The following REPIN1 variants were observed in gnomAD, a reference collection of about 807,000 sequenced individuals.
The protein encoded by REPIN1 is DNA-binding protein REPIN1.
In REPIN1, 4 loss-of-function variants were observed where a neutral mutation model predicts 5.7. The observed-to-expected ratio is 0.71, with a 90% CI of 0.35 to 1.62. The LOEUF is 1.62. Ranked by LOEUF, REPIN1 falls within the 40% of genes most tolerant of loss-of-function variation. The probability of loss-of-function intolerance (pLI) is 0.05; values close to 1 mark genes in which losing one functional copy is unlikely to be tolerated. For synonymous variants in REPIN1, 410 were observed against 386.2 expected (o/e 1.06, Z -0.72); for missense variants, 854 against 901.0 (o/e 0.95, Z 0.67).
rs780101097 is a variant in REPIN1, at chr7:150,373,086, C to G, written c.*141C>G. On this transcript the variant is annotated 3_prime_UTR_variant, in exon 3 of 3. Coordinates refer to ENST00000489432, the MANE Select transcript of REPIN1 (RefSeq NM_001099695.2). ...GGGGATGGAAGACGCGGGGAGTGAGCTGGGTGGGCCCTGCTAGCGAGAGAG... is the reference window on the plus strand; with the variant it reads ...GGGGATGGAAGACGCGGGGAGTGAGGTGGGTGGGCCCTGCTAGCGAGAGAG... 9.7e-6 allele frequency: 12 copies of G among 1,242,392 alleles called. No individual in the cohort carries two copies. The highest frequency in any genetic ancestry group is 1.5e-5 in the African/African-American group (1 of 64,618). The allele number at this position is 1,242,392 out of a possible 1,614,324, so 77.0% of individuals were successfully genotyped here.
chr7:150,372,296 CCCAGGAGCCGCCG>C lies in REPIN1; in HGVS notation c.1232_1244del (p.Glu411GlyfsTer257), dbSNP rs1221380805. The stretch of plus-strand genomic sequence containing the variant: ...ACCCCGGCGGTACCTCTGAAACCGG[CCCAGGAGCCGCCG>C]CCAGGGGCCCCGCCAGAGCACCCGC... On this transcript the variant is annotated frameshift_variant, in exon 3 of 3. Coordinates refer to ENST00000489432, the MANE Select transcript of REPIN1 (RefSeq NM_001099695.2). LOFTEE classifies it low-confidence loss of function (END_TRUNC). 6 of 1,522,106 alleles carry C rather than the reference CCCAGGAGCCGCCG, an allele frequency of 3.9e-6. No individual in the cohort carries two copies. The highest frequency in any genetic ancestry group is 2.1e-5 in the Admixed American group (1 of 47,942). 94.3% of individuals were successfully genotyped at this position (1,522,106 alleles called of 1,614,324 possible). A position where few individuals can be genotyped will look rare whatever the true frequency, so the allele number is the denominator to read the frequency against.
Position 150,373,129 on chromosome 7 carries a change from G to A in REPIN1, c.*184G>A, listed in dbSNP as rs1008943576. The A allele has an allele frequency of 5.8e-6, 5 of 867,672 alleles. No homozygotes were observed. Among genetic ancestry groups the A allele is most frequent in the Non-Finnish European group, 8.8e-6 (5 of 568,918 alleles). The allele number at this position is 867,672 out of a possible 1,614,324, so 53.7% of individuals were successfully genotyped here. On this transcript the variant is annotated 3_prime_UTR_variant, in exon 3 of 3. Coordinates refer to ENST00000489432, the MANE Select transcript of REPIN1 (RefSeq NM_001099695.2). ...CGAGAGAGGTCAACCCCGGTGGCCAGGGAACCCACTTCCAAGCGCAGGGAC... is the reference window on the plus strand; with the variant it reads ...CGAGAGAGGTCAACCCCGGTGGCCAAGGAACCCACTTCCAAGCGCAGGGAC...
Position 150,368,960 on chromosome 7 carries a change from C to T in REPIN1, c.-42+19C>T. 2.7e-6 allele frequency: 1 copy of T among 370,156 alleles called. No individual in the cohort carries two copies. The highest frequency in any genetic ancestry group is 4.8e-6 in the Non-Finnish European group (1 of 209,108). 22.9% of individuals were successfully genotyped at this position (370,156 alleles called of 1,614,324 possible). On this transcript the variant is annotated intron_variant, in intron 1 of 2. Transcript: ENST00000489432. ...CGCAGAGGTACGGCCGGGGCAGGGG[C>T]GCGGGGCCACCGCGGGCCCGCGGGG...
chr7:150,372,052 A>G lies in REPIN1; in HGVS notation c.982A>G (p.Lys328Glu). Residue 328 changes from lysine (K) to glutamate (E), a missense_variant, in exon 3 of 3, where the codon AAG becomes GAG. This residue lies in a region of REPIN1 where 327 missense variants were observed against 307.8 expected (regional missense o/e 1.06). Transcript: ENST00000489432. ...ERPHQCPECG[K>E]RFTNKPYLTS... ...GCCCCACCAGTGCCCCGAGTGCGGG[A>G]AGCGCTTTACCAATAAGCCCTATCT... The G allele has an allele frequency of 6.2e-7, 1 of 1,612,036 alleles. No individual in the cohort carries two copies. Among genetic ancestry groups the G allele is most frequent in the Non-Finnish European group, 8.5e-7 (1 of 1,179,602 alleles).
At position 150,373,300 on chromosome 7, in the gene REPIN1, CTTAA is replaced by C. The variant is rs1485732666; in HGVS notation, c.*357_*360del. The C allele has an allele frequency of 9.5e-6, 3 of 315,314 alleles. No individual in the cohort carries two copies. The highest frequency in any genetic ancestry group is 6.4e-5 in the African/African-American group (3 of 46,828). The allele number at this position is 315,314 out of a possible 1,614,324, so 19.5% of individuals were successfully genotyped here. The stretch of plus-strand genomic sequence containing the variant: ...ACCCTCCATCCTCTGGTATTAACGC[CTTAA>C]TGCCCCTGTCTTTTACTGTAAGTTA... On this transcript the variant is annotated 3_prime_UTR_variant, in exon 3 of 3. Transcript: ENST00000489432.
rs1284083805 is a variant in REPIN1 at position 150,369,655 on chromosome 7, T to C, written c.-41-16T>C. 1 of 1,611,766 alleles carries C rather than the reference T, an allele frequency of 6.2e-7. No individual in the cohort carries two copies. The highest frequency in any genetic ancestry group is 8.5e-7 in the Non-Finnish European group (1 of 1,179,118). On this transcript the variant is annotated splice_polypyrimidine_tract_variant and intron_variant, in intron 1 of 2. Coordinates refer to ENST00000489432, the MANE Select transcript of REPIN1 (RefSeq NM_001099695.2). ...AGCTCAGAGCCTCACTTCTGTTTTCTCTTCCCTCCCCACAGGTAAGGCTGG... is the reference window on the plus strand; with the variant it reads ...AGCTCAGAGCCTCACTTCTGTTTTCCCTTCCCTCCCCACAGGTAAGGCTGG...
rs1800144402 is a variant in REPIN1 at position 150,373,683 on chromosome 7, C to T, written c.*738C>T. The T allele has an allele frequency of 1.2e-5, 2 of 167,236 alleles. No individual in the cohort carries two copies. Among genetic ancestry groups the T allele is most frequent in the Non-Finnish European group, 2.9e-5 (2 of 68,254 alleles). 10.4% of individuals were successfully genotyped at this position (167,236 alleles called of 1,614,324 possible). A position where few individuals can be genotyped will look rare whatever the true frequency, so the allele number is the denominator to read the frequency against. On this transcript the variant is annotated 3_prime_UTR_variant, in exon 3 of 3. Transcript: ENST00000489432. ...CTGTGTCCAGGCTCTTGTCTGAACA[C>T]CGCAGCCCCTCCTTCGCTCCTTCCA...
rs780162986 is a variant in REPIN1 at position 150,369,794 on chromosome 7, G to A, written c.83G>A (p.Ser28Asn). 1.9e-6 allele frequency: 3 copies of A among 1,613,888 alleles called. No individual in the cohort carries two copies. In the South Asian group the frequency reaches 3.3e-5, roughly 18 times the overall value. Reference protein sequence around the residue: ...YRSVGRSRRCSRGSIPRNIPK... With the variant: ...YRSVGRSRRCNRGSIPRNIPK... ...AGTGTGGGCCGAAGCAGGCGCTGCA[G>A]CCGCGGAAGTATCCCCAGGAACATC... Residue 28 changes from serine to asparagine, a missense_variant, in exon 2 of 3, where the codon AGC becomes AAC. Ser to Asn is a conservative substitution (Grantham distance 46, BLOSUM62 1). Around this residue, in one of 5 missense-constraint regions of REPIN1, gnomAD observed 409 missense variants for 418.6 expected, o/e 0.98. Coordinates refer to ENST00000489432, the MANE Select transcript of REPIN1 (RefSeq NM_001099695.2).
At chr7:150,370,482 G>T in intron 2 of REPIN1, 1 of 468,114 alleles carries the variant, frequency 2.1e-6, no homozygotes, top group Non-Finnish European at 3.9e-6. Context: ...CTCTGCTCCT[G>T]TTCCCCGAGA....
At chr7:150,368,597 T>A (rs1482332291), upstream of REPIN1, among the ~76,000 whole-genome samples, 1 of 151,972 alleles carries the variant, frequency 6.6e-6, no homozygotes, top group Admixed American at 6.5e-5. Flanking sequence ...CCCGGGCTGG[T>A]GGTCGCCATG....
chr7:150,370,444 G>A, intron 2 of REPIN1: 2 of 395,416 alleles, frequency 5.1e-6, no homozygotes, highest in Non-Finnish European at 9.5e-6. Context: ...GTGGTCTGGC[G>A]TTAGACTGCC....
Position 150,371,928 on chromosome 7 carries a change from A to G in REPIN1, c.858A>G (p.Gly286=). ...CGGTGACCGCCCCCCGGCCCGGTGG[A>G]GATGCCGTCGACCGCCCCTTCCAGT... The part of the protein sequence containing the change: ...RPAVTAPRPG[G]DAVDRPFQCA... The change falls in exon 3 of 3, where the codon GGA becomes GGG. Residue 286 remains glycine, a synonymous_variant. Coordinates refer to ENST00000489432, the MANE Select transcript of REPIN1 (RefSeq NM_001099695.2). 6.2e-7 allele frequency: 1 copy of G among 1,606,718 alleles called. No homozygotes were observed. Among genetic ancestry groups the G allele is most frequent in the South Asian group, 1.1e-5 (1 of 90,878 alleles).
chr7:150,369,054 G>A, intron 1 of REPIN1, 113 bp downstream of exon 1: 1 of 320,560 alleles, frequency 3.1e-6, no homozygotes, highest in Non-Finnish European at 5.6e-6. Flanking sequence ...GGGGGGGGAC[G>A]CTGCTGGATC....
In REPIN1 at chr7:150,369,690, A is replaced by G. The variant is rs1454552762; in HGVS notation, c.-22A>G. 6.2e-7 allele frequency: 1 copy of G among 1,613,648 alleles called. No individual in the cohort carries two copies. The highest frequency in any genetic ancestry group is 1.3e-5 in the African/African-American group (1 of 74,908). ...CCACAGGTAAGGCTGGCCTCTCTGC[A>G]GTCAGAGGTCTGAGCTCTGCCATGG... On this transcript the variant is annotated 5_prime_UTR_variant, in exon 2 of 3. Coordinates refer to ENST00000489432, the MANE Select transcript of REPIN1 (RefSeq NM_001099695.2).
At chr7:150,369,981 G>T (rs1799405644) in intron 2 of REPIN1, 113 bp downstream of exon 2, 1 of 1,298,004 alleles carries the variant, frequency 7.7e-7, no homozygotes, top group East Asian at 2.4e-5. Context: ...TCTTCCCTGT[G>T]CACAGTCTGA....
In REPIN1 at chr7:150,372,064, A is replaced by C; in HGVS notation, c.994A>C (p.Asn332His). ...QCPECGKRFT[N>H]KPYLTSHRRI... is the part of the protein sequence containing the mutation. Reference sequence around the variant, plus strand: ...CCCCGAGTGCGGGAAGCGCTTTACCAATAAGCCCTATCTGACTTCGCACCG... The same window carrying C: ...CCCCGAGTGCGGGAAGCGCTTTACCCATAAGCCCTATCTGACTTCGCACCG... The change falls in exon 3 of 3, where the codon AAT becomes CAT. Residue 332 changes from asparagine (N) to histidine (H), a missense_variant. Asn to His is a moderately conservative substitution (Grantham distance 68). This residue lies in a region of REPIN1 where 327 missense variants were observed against 307.8 expected (regional missense o/e 1.06). Coordinates refer to ENST00000489432, the MANE Select transcript of REPIN1 (RefSeq NM_001099695.2). The C allele has an allele frequency of 1.2e-6, 2 of 1,612,040 alleles. No homozygotes were observed. The highest frequency in any genetic ancestry group is 1.7e-6 in the Non-Finnish European group (2 of 1,179,570).
rs762668334 is a variant in REPIN1, at chr7:150,371,918, G to T, written c.848G>T (p.Arg283Leu). Reference protein sequence around the residue: ...PRGRPAVTAPRPGGDAVDRPF... With the variant: ...PRGRPAVTAPLPGGDAVDRPF... Reference sequence around the variant, plus strand: ...GGCCGCCCCGCGGTGACCGCCCCCCGGCCCGGTGGAGATGCCGTCGACCGC... The same window carrying T: ...GGCCGCCCCGCGGTGACCGCCCCCCTGCCCGGTGGAGATGCCGTCGACCGC... Residue 283 changes from arginine to leucine, a missense_variant, in exon 3 of 3, where the codon CGG becomes CTG. By Grantham distance (102) the Arg-to-Leu change is moderately radical. Around this residue, in one of 5 missense-constraint regions of REPIN1, gnomAD observed 409 missense variants for 418.6 expected, o/e 0.98. Coordinates refer to ENST00000489432, the MANE Select transcript of REPIN1 (RefSeq NM_001099695.2). 6.2e-7 allele frequency: 1 copy of T among 1,608,488 alleles called. No individual in the cohort carries two copies.
intron 2 of REPIN1, chr7:150,370,463 C>T (rs756607613): frequency 2.6e-5 from 11 of 429,416 alleles, no homozygotes; most frequent in Non-Finnish European, 4.3e-5. Flanking sequence ...CCGGGAGTAG[C>T]ACCCAGGGCT....
chr7:150,370,488 C>G, intron 2 of REPIN1: 1 of 475,680 alleles, frequency 2.1e-6, no homozygotes, highest in Admixed American at 3.4e-5. Context: ...TCCTGTTCCC[C>G]GAGAAGGGCT....
Sources: gnomAD v4.1 joint callset for allele counts (sites outside exome capture counted in the v4.1 genomes callset) on GRCh38, gnomAD v4.1.1 for gene constraint, gnomAD v4.1.1 regional missense constraint, MANE v1.5 for transcripts, NCBI Gene and HGNC (gene_info 2026-07-23, HGNC 2026-07-21) for gene names.